Variants in ZNF385D observed in about 807,000 individuals in gnomAD.
ZNF385D encodes zinc finger protein 659.
A neutral mutation model predicts 35.8 loss-of-function variants in ZNF385D; 15 were observed. That is an observed-to-expected ratio of 0.42 (90% CI 0.28 to 0.64). The LOEUF (loss-of-function observed/expected upper bound fraction) is 0.64, where lower values mean the gene tolerates loss of function less well. ZNF385D is among the 30% of genes least tolerant of loss of function. The pLI is 0.23. For missense variants in ZNF385D, 474 were observed against 494.6 expected, an observed-to-expected ratio of 0.96 and a Z score of 0.39; for synonymous variants, 212 against 186.8, an observed-to-expected ratio of 1.13 and a Z score of -1.10.
intron 3 of ZNF385D, among the ~76,000 whole-genome samples, chr3:21,828,391 T>C (rs1478233331): frequency 6.6e-6 from 1 of 152,190 alleles, no homozygotes; most frequent in Non-Finnish European, 1.5e-5. Flanking sequence ...AATAAATATA[T>C]GTTTTACTAC....
intron 2 of ZNF385D, among the ~76,000 whole-genome samples, chr3:22,176,641 C>A (rs987387075): frequency 6.6e-6 from 1 of 152,136 alleles, no homozygotes; most frequent in Non-Finnish European, 1.5e-5. Flanking sequence ...GAATGAGATA[C>A]AGAATGGAAC....
intron 2 of ZNF385D, among the ~76,000 whole-genome samples, chr3:21,630,484 C>T (rs2065250614): frequency 6.6e-6 from 1 of 152,086 alleles, no homozygotes; most frequent in Non-Finnish European, 1.5e-5. Context: ...GGAAAACAAG[C>T]GTGAGCCACC....
At position 22,290,043 on chromosome 3, in the gene ZNF385D, G is replaced by C. The variant is rs185993393; in HGVS notation, c.106+82407C>G. Among the ~76,000 whole-genome samples, 10 of 152,268 alleles carry C rather than the reference G, an allele frequency of 6.6e-5. No homozygotes were observed. The East Asian group carries it at 1.9e-3, about 30-fold the overall frequency. ...AATCTTGAGAGAAGTCCCTGGAAGT[G>C]TGATCATGCCTATATAGAACTGCTA... On this transcript the variant is annotated intron_variant, in intron 2 of 5. Coordinates refer to the ZNF385D transcript ENST00000494108.
intron 3 of ZNF385D, chr3:22,168,408 T>C (rs1177540197): frequency 6.6e-6 from 1 of 152,206 alleles, no homozygotes; most frequent in African/African-American, 2.4e-5. Context: ...TTTGAAAAGA[T>C]ATGCATTATT....
intron 3 of ZNF385D, among the ~76,000 whole-genome samples, chr3:21,862,737 C>A (rs1465744109): frequency 6.6e-6 from 1 of 152,142 alleles, no homozygotes; most frequent in East Asian, 1.9e-4. Context: ...CCAAGGGCTC[C>A]TTATAGAAGT....
chr3:22,337,068 G>A (rs1695203749), intron 2 of ZNF385D, among the ~76,000 whole-genome samples: 1 of 151,674 alleles, frequency 6.6e-6, no homozygotes, highest in South Asian at 2.1e-4. Context: ...AGAGTAGAAA[G>A]TCAATAAAAA....
At chr3:22,370,851 C>G (rs949714979) in intron 2 of ZNF385D, among the ~76,000 whole-genome samples, 4 of 152,168 alleles carry the variant, frequency 2.6e-5, no homozygotes, top group Non-Finnish European at 2.9e-5. Context: ...CCCCAAAGAT[C>G]TCTCAGCCAC....
chr3:21,435,276 T>G (rs1701492342), intron 5 of ZNF385D, among the ~76,000 whole-genome samples: 1 of 150,332 alleles, frequency 6.7e-6, no homozygotes, highest in Admixed American at 6.6e-5. Flanking sequence ...TTTTTTTTTT[T>G]TGAGACAGGG....
chr3:21,783,981 T>C (rs2071589796), intron 3 of ZNF385D, among the ~76,000 whole-genome samples: 1 of 152,128 alleles, frequency 6.6e-6, no homozygotes, highest in Non-Finnish European at 1.5e-5. Context: ...TTCTTTTTTC[T>C]TTTCCTTTTT....
intron 2 of ZNF385D, among the ~76,000 whole-genome samples, chr3:22,318,542 G>A (rs570567624): frequency 5.5e-4 from 84 of 152,260 alleles, no homozygotes; most frequent in Admixed American, 2.2e-3. Flanking sequence ...ATTGAGAGAG[G>A]AGCCAAGATG....
chr3:21,533,513 T>C (rs2061972008), intron 3 of ZNF385D, among the ~76,000 whole-genome samples: 1 of 152,110 alleles, frequency 6.6e-6, no homozygotes, highest in Admixed American at 6.6e-5. Flanking sequence ...ATACATTTAA[T>C]ATATAACTAT....
chr3:22,317,948 TACTGGGAGGCTGC>T (rs1274913488), intron 2 of ZNF385D, among the ~76,000 whole-genome samples: 1 of 151,820 alleles, frequency 6.6e-6, no homozygotes, highest in South Asian at 2.1e-4. Context: ...GTAATCCAGT[TACTGGGAGGCTGC>T]ACTGGGAGGA....
chr3:22,091,716 T>G (rs542888090), intron 3 of ZNF385D, among the ~76,000 whole-genome samples: 8 of 152,292 alleles, frequency 5.3e-5, no homozygotes, highest in African/African-American at 1.4e-4. Context: ...GGTCCATTTG[T>G]GGAAGGCTGC....
Position 21,465,028 on chromosome 3 carries a change from C to G in ZNF385D, c.440-27825G>C, listed in dbSNP as rs1362093471. Among the ~76,000 whole-genome samples the G allele has an allele frequency of 2.0e-5, 3 of 152,142 alleles. No individual in the cohort carries two copies. Among genetic ancestry groups the G allele is most frequent in the Non-Finnish European group, 4.4e-5 (3 of 68,026 alleles). On this transcript the variant is annotated intron_variant, in intron 4 of 7. Transcript: ENST00000281523. This position sits in a 1 kb window ranked among gnomAD's most constrained non-coding sequence, Gnocchi z 4.2. ...AAAATAAGAAGCTATAAATTTCTTT[C>G]TCATTAAATACTTTGTCATTTTTAC...
chr3:22,089,351 C>G (rs1389731896), intron 3 of ZNF385D, among the ~76,000 whole-genome samples: 1 of 152,176 alleles, frequency 6.6e-6, no homozygotes, highest in Non-Finnish European at 1.5e-5. Flanking sequence ...ATATACACTT[C>G]ATTATTCAGT....
chr3:22,025,852 A>G (rs907357330), intron 3 of ZNF385D, among the ~76,000 whole-genome samples: 6 of 152,184 alleles, frequency 3.9e-5, no homozygotes, highest in Non-Finnish European at 8.8e-5. Flanking sequence ...AGAGCCCTGT[A>G]ATTGCTCTTC....
intron 3 of ZNF385D, among the ~76,000 whole-genome samples, chr3:21,974,545 A>C (rs1703472509): frequency 6.6e-6 from 1 of 152,114 alleles, no homozygotes; most frequent in African/African-American, 2.4e-5. Flanking sequence ...CTACAAGCAC[A>C]AGCAACCAAA....
Position 22,006,153 on chromosome 3 carries a change from A to G in ZNF385D, c.325+162664T>C, listed in dbSNP as rs528225486. On this transcript the variant is annotated intron_variant, in intron 3 of 5. Coordinates refer to the ZNF385D transcript ENST00000494108. ...CTTCAACCTTTAGATAAGTTTTTAA[A>G]AACAGAGGCAAAATGAACACATTTT... 4.6e-5 allele frequency among the ~76,000 whole-genome samples: 7 copies of G among 152,250 alleles called. No individual in the cohort carries two copies. In the South Asian group the frequency reaches 1.0e-3, roughly 23 times the overall value.
In ZNF385D at chr3:22,113,145, C is replaced by T. The variant is rs528238895; in HGVS notation, c.325+55672G>A. 2.6e-5 allele frequency among the ~76,000 whole-genome samples: 4 copies of T among 152,168 alleles called. No individual in the cohort carries two copies. In the South Asian group the frequency reaches 6.3e-4, roughly 24 times the overall value. ...GCTATGTGTTGAAATAGAATGTGTACTTGTGTCACGGCTCAACAAGTAAGA... is the reference window on the plus strand; with the variant it reads ...GCTATGTGTTGAAATAGAATGTGTATTTGTGTCACGGCTCAACAAGTAAGA... On this transcript the variant is annotated intron_variant, in intron 3 of 5. Transcript: ENST00000494108.
Sources: gnomAD v4.1 joint callset for allele counts (sites outside exome capture counted in the v4.1 genomes callset) on GRCh38, gnomAD v4.1.1 for gene constraint, Gnocchi (gnomAD v3.1) non-coding constraint, MANE v1.5 for transcripts, NCBI Gene and HGNC (gene_info 2026-07-23, HGNC 2026-07-21) for gene names.